MRPL34: variants seen among roughly 807,000 people sequenced by gnomAD.
MRPL34 encodes the protein large ribosomal subunit protein bL34m.
MRPL34 carries 8 observed loss-of-function variants against 6.7 expected under a neutral mutation model. The observed-to-expected ratio is 1.20, with a 90% CI of 0.70 to 2.16. MRPL34 has a LOEUF of 2.16. Among genes scored for constraint, MRPL34 ranks in the 30% most tolerant of loss-of-function variants. MRPL34 has a pLI of 0.00. For missense variants in MRPL34, 146 were observed against 125.5 expected, an observed-to-expected ratio of 1.16 and a Z score of -0.78; for synonymous variants, 59 against 55.1, an observed-to-expected ratio of 1.07 and a Z score of -0.31.
At position 17,292,849 on chromosome 19, in the gene MRPL34, C is replaced by G. The variant is rs756777122; in HGVS notation, c.209C>G (p.Ala70Gly). The G allele has an allele frequency of 2.5e-6, 4 of 1,605,304 alleles. No individual in the cohort carries two copies. The Admixed American group carries it at 6.7e-5, about 27-fold the overall frequency. The stretch of plus-strand genomic sequence containing the variant: ...AGCAGGATCTGCAGAAGACGCAGGG[C>G]TCAAGGTAGGCGGGGGCAAGAGGGT... Residue 70 changes from alanine (A) to glycine (G), a missense_variant, in exon 1 of 3, where the codon GCT becomes GGT. Transcript: ENST00000595444.
chr19:17,294,565 C>T, intron 1 of MRPL34: 1 of 1,610,068 alleles, frequency 6.2e-7, no homozygotes, highest in Non-Finnish European at 8.5e-7. Flanking sequence ...GTGGGGTGCC[C>T]CCGATGCCAG....
rs199688783 is a variant in MRPL34, at chr19:17,306,319, G to A, written c.219G>A (p.Pro73=). The A allele has an allele frequency of 3.1e-6, 5 of 1,610,326 alleles. No individual in the cohort carries two copies. Among genetic ancestry groups the A allele is most frequent in the Admixed American group, 3.3e-5 (2 of 59,760 alleles). Residue 73 remains proline (P), a synonymous_variant, in exon 2 of 2, where the codon CCG becomes CCA. Transcript: ENST00000252602. ...KHGWVRRLST[P]AGVQVILRRM... The stretch of plus-strand genomic sequence containing the variant: ...GCTGGGTCCGGCGCCTGAGCACGCC[G>A]GCCGGCGTGCAGGTCATCCTTCGCC...
chr19:17,305,274 AGAG>A (rs1340090404), upstream of MRPL34, among the ~76,000 whole-genome samples: 2 of 146,602 alleles, frequency 1.4e-5, no homozygotes, highest in Non-Finnish European at 3.0e-5. Context: ...TTCTAACAAC[AGAG>A]GAGAATTCTT....
chr19:17,301,668 G>A, upstream of MRPL34: 1 of 1,500,340 alleles, frequency 6.7e-7, no homozygotes, highest in Non-Finnish European at 8.9e-7. Flanking sequence ...GTCTCAATGA[G>A]AACCCTGCAC....
At chr19:17,294,210 C>T in intron 1 of MRPL34, 3 of 1,506,010 alleles carry the variant, frequency 2.0e-6, no homozygotes, top group Non-Finnish European at 2.7e-6. Flanking sequence ...CGCTACCACG[C>T]CCCCCGCAGA....
chr19:17,300,885 C>T (rs1186753703), upstream of MRPL34: 5 of 1,600,426 alleles, frequency 3.1e-6, no homozygotes, highest in African/African-American at 1.3e-5. Flanking sequence ...GCACATTTCG[C>T]TTCTTGGCAT....
At chr19:17,300,331 G>A (rs1210492181), upstream of MRPL34, among the ~76,000 whole-genome samples, 2 of 151,860 alleles carry the variant, frequency 1.3e-5, no homozygotes, top group Non-Finnish European at 2.9e-5. Context: ...CAGCCCTTAA[G>A]TAGGTGGAAC....
chr19:17,292,771 A>G, exon 1 of MRPL34: 1 of 1,613,656 alleles, frequency 6.2e-7, no homozygotes, highest in Non-Finnish European at 8.5e-7. Context: ...GTCTCAGGGC[A>G]TTCCAGCATC....
chr19:17,292,756 T>G (rs2074076793), exon 1 of MRPL34: 1 of 1,613,794 alleles, frequency 6.2e-7, no homozygotes, highest in Non-Finnish European at 8.5e-7. Context: ...AGCAGCGTGT[T>G]GACCGTCTCA....
Position 17,306,149 on chromosome 19 carries a change from T to C in MRPL34, c.66-17T>C. ...GCGCCCCGTCTGACCTTTCTCGCCG[T>C]CCCTCTACCCACGCAGGTGGCTCCA... On this transcript the variant is annotated splice_polypyrimidine_tract_variant and intron_variant, in intron 1 of 1. Coordinates refer to ENST00000252602, the MANE Select transcript of MRPL34 (RefSeq NM_023937.4). 1 of 1,512,450 alleles carries C rather than the reference T, an allele frequency of 6.6e-7. No individual in the cohort carries two copies. Among genetic ancestry groups the C allele is most frequent in the Non-Finnish European group, 8.8e-7 (1 of 1,132,302 alleles). The allele number at this position is 1,512,450 out of a possible 1,614,324, so 93.7% of individuals were successfully genotyped here. A position where few individuals can be genotyped will look rare whatever the true frequency, so the allele number is the denominator to read the frequency against.
exon 1 of MRPL34, chr19:17,292,697 C>A: frequency 6.2e-7 from 1 of 1,612,586 alleles, no homozygotes; most frequent in Non-Finnish European, 8.5e-7. Flanking sequence ...GCAGTGGCTC[C>A]GGTAGAGCCT....
At chr19:17,305,241 CTTTT>C (rs34823570), upstream of MRPL34, among the ~76,000 whole-genome samples, 16 of 121,190 alleles carry the variant, frequency 1.3e-4, no homozygotes, top group Middle Eastern at 4.5e-3. Context: ...ATTTTTCTTC[CTTTT>C]TTTTTTTTTT....
At chr19:17,294,105 C>T (rs1474409244) in intron 1 of MRPL34, among the ~76,000 whole-genome samples, 1 of 152,120 alleles carries the variant, frequency 6.6e-6, no homozygotes, top group Non-Finnish European at 1.5e-5. Context: ...AGACCTAATG[C>T]TCCTGTTTGC....
Position 17,306,154 on chromosome 19 carries a change from C to T in MRPL34, c.66-12C>T. The T allele has an allele frequency of 2.0e-6, 3 of 1,516,294 alleles. No individual in the cohort carries two copies. The highest frequency in any genetic ancestry group is 1.2e-5 in the South Asian group (1 of 80,316). 93.9% of individuals were successfully genotyped at this position (1,516,294 alleles called of 1,614,324 possible). A position where few individuals can be genotyped will look rare whatever the true frequency, so the allele number is the denominator to read the frequency against. On this transcript the variant is annotated splice_polypyrimidine_tract_variant and intron_variant, in intron 1 of 1. Coordinates refer to ENST00000252602, the MANE Select transcript of MRPL34 (RefSeq NM_023937.4). ...CCGTCTGACCTTTCTCGCCGTCCCTCTACCCACGCAGGTGGCTCCAGCCCC... is the reference window on the plus strand; with the variant it reads ...CCGTCTGACCTTTCTCGCCGTCCCTTTACCCACGCAGGTGGCTCCAGCCCC...
At chr19:17,301,368 G>A (rs748727592), upstream of MRPL34, 3 of 1,610,890 alleles carry the variant, frequency 1.9e-6, no homozygotes, top group East Asian at 2.2e-5. Context: ...TGCGGTACAC[G>A]GTGATCCGGC....
upstream of MRPL34, among the ~76,000 whole-genome samples, chr19:17,300,403 C>T (rs1394436672): frequency 1.3e-5 from 2 of 152,048 alleles, no homozygotes; most frequent in African/African-American, 4.8e-5. Context: ...AGGGGGTTCT[C>T]CCTATGTTGC....
chr19:17,293,102 T>C (rs1474350052), intron 1 of MRPL34, among the ~76,000 whole-genome samples: 2 of 149,572 alleles, frequency 1.3e-5, no homozygotes, highest in Admixed American at 6.6e-5. Flanking sequence ...TTCTTTCTTT[T>C]TTTTTTTTTT....
At chr19:17,305,295 C>G (rs2074140678), upstream of MRPL34, among the ~76,000 whole-genome samples, 1 of 149,068 alleles carries the variant, frequency 6.7e-6, no homozygotes, top group Non-Finnish European at 1.5e-5. Context: ...CTTCTAGGGC[C>G]CAAAATGGGG....
At position 17,306,257 on chromosome 19, in the gene MRPL34, T is replaced by C. The variant is rs995408072; in HGVS notation, c.157T>C (p.Tyr53His). Residue 53 changes from tyrosine (Y) to histidine (H), a missense_variant, in exon 2 of 2, where the codon TAT becomes CAT. By Grantham distance (83) the Tyr-to-His change is moderately conservative. Coordinates refer to ENST00000252602, the MANE Select transcript of MRPL34 (RefSeq NM_023937.4). ...QARGKARGNE[Y>H]QPSNIKRKNK... ...CCGGGGCAAGGCTCGCGGGAATGAG[T>C]ATCAGCCGAGCAACATCAAACGCAA... 1 of 1,598,350 alleles carries C rather than the reference T, an allele frequency of 6.3e-7. No homozygotes were observed. The highest frequency in any genetic ancestry group is 8.5e-7 in the Non-Finnish European group (1 of 1,173,492).
Sources: gnomAD v4.1 joint callset for allele counts (sites outside exome capture counted in the v4.1 genomes callset) on GRCh38, gnomAD v4.1.1 for gene constraint, MANE v1.5 for transcripts, NCBI Gene and HGNC (gene_info 2026-07-23, HGNC 2026-07-21) for gene names.